The following DOCK8 variants were observed in gnomAD, a reference collection of about 807,000 sequenced individuals.
The protein encoded by DOCK8 is dedicator of cytokinesis 8, also known as dedicator of cytokinesis protein 8.
A neutral mutation model predicts 245.6 loss-of-function variants in DOCK8; 141 were observed. The observed-to-expected ratio is 0.57, with a 90% confidence interval of 0.50 to 0.66. The LOEUF (loss-of-function observed/expected upper bound fraction) is 0.66, where lower values mean the gene tolerates loss of function less well. DOCK8 is among the 30% of genes least tolerant of loss of function. The probability of loss-of-function intolerance (pLI) is 0.00; values close to 1 mark genes in which losing one functional copy is unlikely to be tolerated. For missense variants in DOCK8, 2,965 were observed against 2,603.4 expected (o/e 1.14, Z -3.02); for synonymous variants, 1,168 against 970.2 (o/e 1.20, Z -3.79).
chr9:407,333 T>A (rs969800183), intron 28 of DOCK8, among the ~76,000 whole-genome samples: 5 of 152,230 alleles, frequency 3.3e-5, no homozygotes, highest in Admixed American at 6.5e-5. Context: ...ATTTACCAGT[T>A]CTGCTATAGC....
intron 16 of DOCK8, among the ~76,000 whole-genome samples, chr9:370,918 A>G (rs1391203405): frequency 6.6e-6 from 1 of 152,224 alleles, no homozygotes; most frequent in Non-Finnish European, 1.5e-5. Flanking sequence ...GGTAATGTAC[A>G]TTACATACCT....
chr9:248,958 A>C (rs1443397078), intron 1 of DOCK8, among the ~76,000 whole-genome samples: 1 of 152,160 alleles, frequency 6.6e-6, no homozygotes, highest in Non-Finnish European at 1.5e-5. Flanking sequence ...GTGAGGGCAA[A>C]AATGACTGCA....
At chr9:379,570 G>A (rs573128982) in intron 20 of DOCK8, among the ~76,000 whole-genome samples, 1 of 152,254 alleles carries the variant, frequency 6.6e-6, no homozygotes, top group South Asian at 2.1e-4. Context: ...GGCAGGAGGA[G>A]GAAGTTCAAA....
At chr9:420,843 A>T (rs867465241) in intron 31 of DOCK8, 106 bp from the exon 32 acceptor site, 1 of 1,481,676 alleles carries the variant, frequency 6.7e-7, no homozygotes, top group East Asian at 2.3e-5. Context: ...AGTGAAGCAC[A>T]TGTCAAACTT....
chr9:240,724 C>A (rs569721502), intron 1 of DOCK8, among the ~76,000 whole-genome samples: 1 of 152,222 alleles, frequency 6.6e-6, no homozygotes, highest in East Asian at 1.9e-4. Flanking sequence ...TTGTGCCAGG[C>A]ACTGTGTTAG....
chr9:396,444 C>A (rs1025519334), intron 24 of DOCK8, among the ~76,000 whole-genome samples: 25 of 152,330 alleles, frequency 1.6e-4, no homozygotes, highest in African/African-American at 4.3e-4. Flanking sequence ...ATAGAGGACA[C>A]CTAGCTGGTT....
intron 10 of DOCK8, among the ~76,000 whole-genome samples, chr9:333,518 T>A (rs1201284805): frequency 6.6e-6 from 1 of 152,018 alleles, no homozygotes; most frequent in African/African-American, 2.4e-5. Flanking sequence ...GGAGAATAGC[T>A]TGAACCTGGG....
Position 363,793 on chromosome 9 carries a change from G to T in DOCK8, c.1680-4225G>T, listed in dbSNP as rs945801931. ...TGGTGATGTTTGGATACAGGGGTGA[G>T]CAACCCCTTTGGAAGCAACATGCAA... is the stretch of plus-strand genomic sequence containing the variant. On this transcript the variant is annotated intron_variant, in intron 14 of 47. Transcript: ENST00000432829. Among the ~76,000 whole-genome samples the T allele has an allele frequency of 2.0e-5, 3 of 152,184 alleles. No homozygotes were observed. In the East Asian group the frequency reaches 5.8e-4, roughly 29 times the overall value.
intron 32 of DOCK8, 38 bp downstream of exon 32, chr9:421,116 A>C (rs1246833409): frequency 6.2e-7 from 1 of 1,613,158 alleles, no homozygotes; most frequent in South Asian, 1.1e-5. Flanking sequence ...TCTGTCAAGC[A>C]GTTTTTCACT....
At chr9:449,294 G>A (rs1452926307) in intron 44 of DOCK8, among the ~76,000 whole-genome samples, 1 of 152,146 alleles carries the variant, frequency 6.6e-6, no homozygotes, top group Admixed American at 6.5e-5. Context: ...AGATTGCAGT[G>A]AGCCAAGATC....
Position 404,934 on chromosome 9 carries a change from G to C in DOCK8, c.3251G>C (p.Ser1084Thr), listed in dbSNP as rs758127991. The C allele has an allele frequency of 1.1e-5, 18 of 1,613,950 alleles. No individual in the cohort carries two copies. The South Asian group carries it at 1.6e-4, about 15-fold the overall frequency. Reference protein sequence around the residue: ...HYCSQLSAKLSNLPTLISMRL... With the variant: ...HYCSQLSAKLTNLPTLISMRL... ...TCTTCCCAGCTGTCAGCCAAGCTCA[G>C]TAACCTTCCAACGCTCATTTCCATG... Residue 1084 changes from serine (S) to threonine (T), a missense_variant, in exon 27 of 48, where the codon AGT (serine) becomes ACT (threonine). Ser to Thr is a moderately conservative substitution (Grantham distance 58). Transcript: ENST00000432829.
intron 28 of DOCK8, among the ~76,000 whole-genome samples, chr9:409,564 T>G (rs2055613290): frequency 6.6e-6 from 1 of 152,216 alleles, no homozygotes; most frequent in Admixed American, 6.5e-5. Context: ...TATGTATATA[T>G]TTTTTAAATC....
In DOCK8 at chr9:406,941, C is replaced by T; in HGVS notation, c.3402C>T (p.Ser1134=). 1.2e-6 allele frequency: 2 copies of T among 1,614,132 alleles called. No individual in the cohort carries two copies. Among genetic ancestry groups the T allele is most frequent in the Non-Finnish European group, 1.7e-6 (2 of 1,180,026 alleles). The change falls in exon 28 of 48, where the codon TCC becomes TCT. Residue 1134 remains serine (S), a synonymous_variant. Coordinates refer to ENST00000432829, the MANE Select transcript of DOCK8 (RefSeq NM_203447.4). ...CPSISSQNSS[S]CSSFQDQKIA... is the part of the protein sequence containing the mutation. ...TTACGTTTCTGTAGAACTCAAGCTC[C>T]TGCTCCAGCTTCCAGGACCAGAAGA...
chr9:441,470 G>A, intron 41 of DOCK8, 53 bp downstream of exon 41: 2 of 1,612,926 alleles, frequency 1.2e-6, no homozygotes, highest in Non-Finnish European at 1.7e-6. Flanking sequence ...AGGCGACCCT[G>A]TCCTACAGAT....
At chr9:291,241 G>A (rs1056847331) in intron 4 of DOCK8, among the ~76,000 whole-genome samples, 2 of 152,062 alleles carry the variant, frequency 1.3e-5, no homozygotes, top group Non-Finnish European at 2.9e-5. Flanking sequence ...ATTTCTCATG[G>A]CAATGCACGC....
intron 1 of DOCK8, among the ~76,000 whole-genome samples, chr9:240,213 A>G (rs1177677989): frequency 6.6e-6 from 1 of 152,154 alleles, no homozygotes; most frequent in Admixed American, 6.6e-5. Flanking sequence ...AGTAGTTTGT[A>G]TTCAAATAAG....
intron 1 of DOCK8, chr9:215,617 A>ATG: frequency 1.7e-5 from 9 of 521,564 alleles, no homozygotes; most frequent in South Asian, 1.6e-4. Context: ...TGATTTTTTA[A>ATG]AAAATCTACA....
At chr9:302,410 T>C (rs1195935473) in intron 4 of DOCK8, among the ~76,000 whole-genome samples, 5 of 152,142 alleles carry the variant, frequency 3.3e-5, no homozygotes, top group Admixed American at 2.6e-4. Context: ...AGAAAAAAAC[T>C]GGGAAATACT....
intron 10 of DOCK8, among the ~76,000 whole-genome samples, chr9:333,044 A>G (rs1015386754): frequency 6.6e-6 from 1 of 152,168 alleles, no homozygotes; most frequent in Non-Finnish European, 1.5e-5. Context: ...GATTGGGGCA[A>G]GGCCACCCCC....
Sources: allele counts gnomAD v4.1 joint callset (sites outside exome capture counted in the v4.1 genomes callset), GRCh38; gene constraint gnomAD v4.1.1; transcripts MANE v1.5; gene names NCBI Gene and HGNC (gene_info 2026-07-23, HGNC 2026-07-21).